ATP11A: variants seen among roughly 807,000 people sequenced by gnomAD.
The protein encoded by ATP11A is phospholipid-transporting ATPase IH.
In ATP11A, 81 loss-of-function variants were observed where a neutral mutation model predicts 154.4. The ratio of observed to expected loss-of-function variants is 0.52; its 90% CI spans 0.44 to 0.63. The LOEUF is 0.63. Ranked by LOEUF, ATP11A falls within the 30% of genes least tolerant of loss-of-function variation. The pLI, the probability that ATP11A is intolerant of heterozygous loss-of-function variation, is 0.00. For synonymous variants in ATP11A, 623 were observed against 585.9 expected (o/e 1.06, Z -0.91); for missense variants, 1,316 against 1,474.3 (o/e 0.89, Z 1.76).
intron 1 of ATP11A, among the ~76,000 whole-genome samples, chr13:112,737,880 C>T (rs191265962): frequency 7.2e-5 from 11 of 152,264 alleles, no homozygotes; most frequent in East Asian, 5.8e-4. Flanking sequence ...TCTGCTTTTT[C>T]GTGGTGCAGG....
chr13:112,803,820 TCTCCTTCCCCTCCTC>T (rs2078214256), intron 2 of ATP11A, among the ~76,000 whole-genome samples: 1 of 84,562 alleles, frequency 1.2e-5, no homozygotes, highest in Admixed American at 1.3e-4. Context: ...CCCTCCTTCC[TCTCCTTCCCCTCCTC>T]CTCCTTCCTC....
intron 2 of ATP11A, among the ~76,000 whole-genome samples, chr13:112,791,370 C>G (rs1010993911): frequency 2.0e-5 from 3 of 152,250 alleles, no homozygotes; most frequent in Non-Finnish European, 2.9e-5. Context: ...GCTGGCTTCT[C>G]CCTTCCTGGG....
intron 1 of ATP11A, among the ~76,000 whole-genome samples, chr13:112,779,554 C>A (rs1406437922): frequency 6.6e-6 from 1 of 152,144 alleles, no homozygotes; most frequent in African/African-American, 2.4e-5. Context: ...TCAGGAAGAG[C>A]TTTATATCTA....
intron 1 of ATP11A, among the ~76,000 whole-genome samples, chr13:112,728,548 C>T (rs1482053578): frequency 6.6e-6 from 1 of 150,726 alleles, no homozygotes; most frequent in African/African-American, 2.5e-5. Flanking sequence ...CTGTGTGGCC[C>T]GCCTCCCTGT....
chr13:112,709,354 G>A (rs1594363299), intron 1 of ATP11A, among the ~76,000 whole-genome samples: 1 of 152,160 alleles, frequency 6.6e-6, no homozygotes, highest in East Asian at 1.9e-4. Context: ...CCTTGAAATT[G>A]CCCTGCAAGG....
At chr13:112,815,175 C>G (rs2078608684) in intron 5 of ATP11A, among the ~76,000 whole-genome samples, 2 of 152,098 alleles carry the variant, frequency 1.3e-5, no homozygotes, top group South Asian at 4.1e-4. Flanking sequence ...CTTCCTCACC[C>G]TTCAGACACA....
intron 25 of ATP11A, among the ~76,000 whole-genome samples, chr13:112,866,354 C>CACAT (rs2080332511): frequency 6.6e-6 from 1 of 151,964 alleles, no homozygotes; most frequent in East Asian, 1.9e-4. Context: ...CGCCTCCTGA[C>CACAT]GCACATCCTT....
chr13:112,816,231 G>T lies in ATP11A; in HGVS notation c.570+20G>T. On this transcript the variant is annotated intron_variant, in intron 6 of 29. Transcript: ENST00000375645. ...CATAAAGTAAGGGGCCTTTTCATTA[G>T]ACTCCAGGGCAGGATCTTCCTGTCC... 5 of 1,614,024 alleles carry T rather than the reference G, an allele frequency of 3.1e-6. No individual in the cohort carries two copies. Among genetic ancestry groups the T allele is most frequent in the Non-Finnish European group, 3.4e-6 (4 of 1,179,988 alleles).
In ATP11A at chr13:112,785,144, G is replaced by A. The variant is rs935680014; in HGVS notation, c.49G>A (p.Glu17Lys). 12 of 1,551,812 alleles carry A rather than the reference G, an allele frequency of 7.7e-6. No individual in the cohort carries two copies. Among genetic ancestry groups the A allele is most frequent in the African/African-American group, 4.2e-5 (3 of 71,788 alleles). Residue 17 changes from glutamate to lysine, a missense_variant, in exon 2 of 30, where the codon GAA becomes AAA. By Grantham distance (56) the Glu-to-Lys change is moderately conservative. Around this residue, in one of 5 missense-constraint regions of ATP11A, gnomAD observed 123 missense variants for 113.7 expected, o/e 1.08. Coordinates refer to ENST00000375645, the MANE Select transcript of ATP11A (RefSeq NM_015205.3). This position sits in a 1 kb window ranked among gnomAD's most constrained non-coding sequence, Gnocchi z 4.8. The part of the protein sequence containing the change: ...RTLVHRYCAG[E>K]ENWVDSRTIY... ...GCTCTCCTTTCCGCAGTGTGCAGGA[G>A]AAGAGAATTGGGTGGACAGCAGGAC... is the stretch of plus-strand genomic sequence containing the variant.
rs367728840 is a variant in ATP11A at position 112,695,903 on chromosome 13, C to T, written c.39+5448C>T. On this transcript the variant is annotated intron_variant, in intron 1 of 29. Transcript: ENST00000375645. ...ATTTGCAATAAAAATCAATAGCAAG[C>T]AAGTTTTACAGAGTAGAAATTCAAG... Among the ~76,000 whole-genome samples, 15 of 152,304 alleles carry T rather than the reference C, an allele frequency of 9.8e-5. 1 individual carries two copies. In the East Asian group the frequency reaches 2.7e-3, roughly 27 times the overall value.
At chr13:112,706,086 CTT>C (rs915746814) in intron 1 of ATP11A, among the ~76,000 whole-genome samples, 2 of 152,022 alleles carry the variant, frequency 1.3e-5, no homozygotes, top group African/African-American at 4.8e-5. Context: ...GGGCAACACT[CTT>C]TTTTTTCATC....
chr13:112,729,498 G>A lies in ATP11A; in HGVS notation c.39+39043G>A, dbSNP rs144959004. On this transcript the variant is annotated intron_variant, in intron 1 of 29. Transcript: ENST00000375645. The stretch of plus-strand genomic sequence containing the variant: ...TATCTAACGCGTCTGCGTGTGAACA[G>A]TGTCGGAAGGCACTGAGGCAGCGCA... 2.9e-3 allele frequency among the ~76,000 whole-genome samples: 444 copies of A among 152,202 alleles called. 1 individual carries two copies. Among genetic ancestry groups the A allele is most frequent in the Non-Finnish European group, 5.1e-3 (347 of 68,006 alleles).
rs1466333227 is a variant in ATP11A at position 112,737,550 on chromosome 13, G to A, written c.39+47095G>A. Among the ~76,000 whole-genome samples, 3 of 152,332 alleles carry A rather than the reference G, an allele frequency of 2.0e-5. No homozygotes were observed. In the East Asian group the frequency reaches 5.8e-4, roughly 29 times the overall value. On this transcript the variant is annotated intron_variant, in intron 1 of 29. Transcript: ENST00000375645. Reference sequence around the variant, plus strand: ...AGGAGAGGAGGGAAGGGGCTGGGCTGAGGAACAGCATGGGCAGAGGCCCCA... The same window carrying A: ...AGGAGAGGAGGGAAGGGGCTGGGCTAAGGAACAGCATGGGCAGAGGCCCCA...
intron 2 of ATP11A, among the ~76,000 whole-genome samples, chr13:112,802,160 C>A (rs886798435): frequency 6.6e-6 from 1 of 151,962 alleles, no homozygotes; most frequent in Non-Finnish European, 1.5e-5. Flanking sequence ...CTGGCCAACA[C>A]GATGAAACCC....
chr13:112,712,104 C>G (rs1054664875), intron 1 of ATP11A, among the ~76,000 whole-genome samples: 8 of 152,224 alleles, frequency 5.3e-5, no homozygotes, highest in Non-Finnish European at 1.2e-4. Flanking sequence ...GTGCCTCCTT[C>G]GCATGTTGGC....
intron 1 of ATP11A, among the ~76,000 whole-genome samples, chr13:112,700,297 T>C (rs537754151): frequency 3.3e-5 from 5 of 152,246 alleles, no homozygotes; most frequent in African/African-American, 4.8e-5. Context: ...CAGGAGAGGC[T>C]GGCATGAGGC....
intron 1 of ATP11A, among the ~76,000 whole-genome samples, chr13:112,741,692 CCT>C (rs1216432449): frequency 2.0e-5 from 3 of 152,128 alleles, no homozygotes; most frequent in Admixed American, 6.5e-5. Flanking sequence ...CGCCAAGCCA[CCT>C]CTCTCTCTGC....
intron 8 of ATP11A, among the ~76,000 whole-genome samples, chr13:112,820,876 C>T (rs1754245897): frequency 6.6e-6 from 1 of 152,206 alleles, no homozygotes; most frequent in Non-Finnish European, 1.5e-5. Flanking sequence ...GAAACACACT[C>T]ACTGGGAAAC....
chr13:112,769,592 T>G (rs1324018311), intron 1 of ATP11A, among the ~76,000 whole-genome samples: 1 of 152,242 alleles, frequency 6.6e-6, no homozygotes, highest in African/African-American at 2.4e-5. Context: ...AGCTCAGTCA[T>G]GTGAACCTCG....
Sources: gnomAD v4.1 joint callset for allele counts (sites outside exome capture counted in the v4.1 genomes callset) on GRCh38, gnomAD v4.1.1 for gene constraint, gnomAD v4.1.1 regional missense constraint, Gnocchi (gnomAD v3.1) non-coding constraint, MANE v1.5 for transcripts, NCBI Gene and HGNC (gene_info 2026-07-23, HGNC 2026-07-21) for gene names.